Variants in XKR9 observed in about 807,000 individuals in gnomAD.
XKR9 encodes XK related 9.
In XKR9, 32 loss-of-function variants were observed where a neutral mutation model predicts 32.0. The observed-to-expected ratio is 1.00, with a 90% CI of 0.76 to 1.34. The LOEUF is 1.34. XKR9 is among the 40% of genes most tolerant of loss of function. XKR9 has a pLI of 0.00. For synonymous variants in XKR9, 168 were observed against 143.4 expected, an observed-to-expected ratio of 1.17 and a Z score of -1.22; for missense variants, 546 against 429.7, an observed-to-expected ratio of 1.27 and a Z score of -2.39.
At chr8:70,802,216 G>T in the XKR9 span, among the ~76,000 whole-genome samples, 1 of 152,126 alleles carries the variant, frequency 6.6e-6, no homozygotes, top group African/African-American at 2.4e-5. Context: ...GATTACAGGC[G>T]TGAGCCACCG....
chr8:71,041,922 A>T, the XKR9 span, among the ~76,000 whole-genome samples: 19 of 152,316 alleles, frequency 1.2e-4, no homozygotes, highest in Middle Eastern at 3.4e-3. Context: ...TCTTTACAGC[A>T]GTGTGAAAAT....
intron 4 of XKR9, among the ~76,000 whole-genome samples, chr8:70,713,910 T>C (rs541883431): frequency 2.2e-4 from 34 of 152,264 alleles, no homozygotes; most frequent in Middle Eastern, 3.4e-3. Flanking sequence ...CTGAGTAGCT[T>C]AAACAGTAGA....
the XKR9 span, among the ~76,000 whole-genome samples, chr8:70,858,886 T>C: frequency 0.57 from 86,325 of 151,866 alleles, 25,563 homozygotes; most frequent in Middle Eastern, 0.62. Context: ...AATCTAAGAC[T>C]CAGAACTATG....
downstream of XKR9, among the ~76,000 whole-genome samples, chr8:70,739,246 G>C (rs369959603): frequency 2.4e-4 from 36 of 152,150 alleles, no homozygotes; most frequent in Admixed American, 9.2e-4. Flanking sequence ...CTCTTTTGAT[G>C]TTTGTTGGTT....
the XKR9 span, among the ~76,000 whole-genome samples, chr8:71,013,245 G>T: frequency 1.2e-4 from 19 of 152,254 alleles, no homozygotes; most frequent in African/African-American, 4.6e-4. Context: ...ATAGATGAAG[G>T]GTAGGGGCCA....
chr8:70,709,931 T>C (rs1167512642), intron 4 of XKR9, among the ~76,000 whole-genome samples: 1 of 151,672 alleles, frequency 6.6e-6, no homozygotes, highest in Non-Finnish European at 1.5e-5. Context: ...TTATACAGAA[T>C]GAAAAAAAGA....
intron 4 of XKR9, among the ~76,000 whole-genome samples, chr8:70,724,151 C>G (rs979462292): frequency 6.6e-6 from 1 of 152,124 alleles, no homozygotes; most frequent in Non-Finnish European, 1.5e-5. Flanking sequence ...GAGTTCTGCC[C>G]AGTCTGAACT....
intron 4 of XKR9, among the ~76,000 whole-genome samples, chr8:70,709,017 T>G (rs1168933999): frequency 6.6e-6 from 1 of 152,068 alleles, no homozygotes; most frequent in Non-Finnish European, 1.5e-5. Flanking sequence ...CAGGCCAATA[T>G]CTTTCATGAA....
intron 2 of XKR9, among the ~76,000 whole-genome samples, chr8:70,770,582 CT>C (rs150575402): frequency 0.018 from 2,719 of 152,364 alleles, 75 homozygotes; most frequent in African/African-American, 0.063. Flanking sequence ...CTGACTGGGG[CT>C]GCTGTCTTCC....
the XKR9 span, among the ~76,000 whole-genome samples, chr8:71,040,087 G>C: frequency 6.6e-6 from 1 of 152,162 alleles, no homozygotes; most frequent in African/African-American, 2.4e-5. Flanking sequence ...GAAAGCTTAG[G>C]ATTTACGCAT....
chr8:71,065,348 T>G, the XKR9 span, among the ~76,000 whole-genome samples: 1 of 152,136 alleles, frequency 6.6e-6, no homozygotes, highest in Non-Finnish European at 1.5e-5. Flanking sequence ...TTTCTCTGAT[T>G]ATGCACAGAT....
intron 2 of XKR9, among the ~76,000 whole-genome samples, chr8:70,741,475 G>A (rs1806981229): frequency 6.6e-6 from 1 of 152,218 alleles, no homozygotes; most frequent in Non-Finnish European, 1.5e-5. Context: ...TGAGACACAT[G>A]TAAGTGTATT....
intron 4 of XKR9, among the ~76,000 whole-genome samples, chr8:70,716,384 A>C (rs1806088951): frequency 6.6e-6 from 1 of 152,104 alleles, no homozygotes; most frequent in Non-Finnish European, 1.5e-5. Context: ...AGACTGGGTA[A>C]TTTATAAAGA....
At chr8:70,972,118 C>T in the XKR9 span, among the ~76,000 whole-genome samples, 2 of 152,094 alleles carry the variant, frequency 1.3e-5, no homozygotes, top group Non-Finnish European at 2.9e-5. Context: ...TTGTTTGTGT[C>T]ATCTATGATT....
chr8:70,997,800 A>G, the XKR9 span, among the ~76,000 whole-genome samples: 6 of 152,366 alleles, frequency 3.9e-5, no homozygotes, highest in South Asian at 1.2e-3. Flanking sequence ...CTTTTACTAT[A>G]GGGGCCTCAG....
chr8:70,793,393 T>C (rs1040051974), downstream of XKR9, among the ~76,000 whole-genome samples: 5 of 152,050 alleles, frequency 3.3e-5, no homozygotes, highest in African/African-American at 1.2e-4. Context: ...TTTTGGGAAT[T>C]GGACTGGTGT....
chr8:70,776,048 G>C (rs1334043596), intron 2 of XKR9, among the ~76,000 whole-genome samples: 1 of 152,000 alleles, frequency 6.6e-6, no homozygotes, highest in African/African-American at 2.4e-5. Flanking sequence ...CCCCAACCTG[G>C]TCTTTTCTTT....
intron 2 of XKR9, among the ~76,000 whole-genome samples, chr8:70,785,411 C>T (rs1207171786): frequency 6.6e-6 from 1 of 151,744 alleles, no homozygotes; most frequent in East Asian, 1.9e-4. Flanking sequence ...ATCAGTCTAA[C>T]TGAAAGTTTG....
At chr8:71,001,553 A>G in the XKR9 span, among the ~76,000 whole-genome samples, 3 of 152,308 alleles carry the variant, frequency 2.0e-5, no homozygotes, top group South Asian at 6.2e-4. Flanking sequence ...CTATGTTTAT[A>G]TCATTTAATT....
Sources: gnomAD v4.1 joint callset for allele counts (sites outside exome capture counted in the v4.1 genomes callset) on GRCh38, gnomAD v4.1.1 for gene constraint, MANE v1.5 for transcripts, NCBI Gene and HGNC (gene_info 2026-07-23, HGNC 2026-07-21) for gene names.